Variants in DENND1A observed in about 807,000 individuals in gnomAD.
DENND1A encodes the protein DENN domain-containing protein 1A.
DENND1A carries 51 observed loss-of-function variants against 113.7 expected under a neutral mutation model. The ratio of observed to expected loss-of-function variants is 0.45; its 90% CI spans 0.36 to 0.57. The LOEUF (loss-of-function observed/expected upper bound fraction) is 0.57, where lower values mean the gene tolerates loss of function less well. Among genes scored for constraint, DENND1A ranks in the 20% least tolerant of loss-of-function variants. DENND1A has a pLI of 0.00. For missense variants in DENND1A, 1,258 were observed against 1,395.9 expected, an observed-to-expected ratio of 0.90 and a Z score of 1.57; for synonymous variants, 565 against 570.8, an observed-to-expected ratio of 0.99 and a Z score of 0.14.
intron 18 of DENND1A, among the ~76,000 whole-genome samples, chr9:123,443,118 G>T (rs992994622): frequency 4.6e-5 from 7 of 152,122 alleles, no homozygotes; most frequent in African/African-American, 1.7e-4. Flanking sequence ...GGCTCAGAAG[G>T]GGTAACTTAC....
chr9:123,666,976 A>G (rs753059184), intron 8 of DENND1A, 50 bp downstream of exon 8: 16 of 1,489,408 alleles, frequency 1.1e-5, no homozygotes, highest in African/African-American at 1.4e-5. Flanking sequence ...AAATAGGCAG[A>G]AAACAGAGAA....
intron 13 of DENND1A, among the ~76,000 whole-genome samples, chr9:123,552,417 A>G (rs976283430): frequency 5.9e-5 from 9 of 152,266 alleles, no homozygotes; most frequent in Admixed American, 5.9e-4. Context: ...ATAACTGCTC[A>G]GGGTCCAGGG....
rs1292527052 is a variant in DENND1A, at chr9:123,381,500, T to A, written c.3145A>T (p.Ser1049Cys). Reference sequence around the variant, plus strand: ...TCTGGGGCCGGGGCCAGGGCCGGACTCGGGCTCACGTCTTGCTTGGTTTTC... The same window carrying A: ...TCTGGGGCCGGGGCCAGGGCCGGACACGGGCTCACGTCTTGCTTGGTTTTC... ...LQKTKQDVSP[S>C]PALAPAPDSV... Residue 1049 changes from serine (S) to cysteine (C), a missense_variant, in exon 24 of 24, where the codon AGT (serine) becomes TGT (cysteine). Ser to Cys is a moderately radical substitution (Grantham distance 112). Transcript: ENST00000394215. The surrounding 1 kb of genome is among the most constrained non-coding windows in gnomAD (Gnocchi z 4.7). 2 of 1,613,296 alleles carry A rather than the reference T, an allele frequency of 1.2e-6. No homozygotes were observed. The highest frequency in any genetic ancestry group is 1.7e-6 in the Non-Finnish European group (2 of 1,179,802).
At chr9:123,752,853 T>C (rs1589940842) in intron 5 of DENND1A, among the ~76,000 whole-genome samples, 1 of 152,376 alleles carries the variant, frequency 6.6e-6, no homozygotes, top group Middle Eastern at 3.4e-3. Flanking sequence ...CCTGTGTTTA[T>C]GATGGAGACT....
intron 11 of DENND1A, among the ~76,000 whole-genome samples, chr9:123,607,535 AGAGAGAGAGAGAGT>A (rs2060220973): frequency 7.9e-6 from 1 of 126,130 alleles, no homozygotes; most frequent in African/African-American, 3.0e-5. Flanking sequence ...AGAGAGAGAG[AGAGAGAGAGAGAGT>A]GTGTGTGTGT....
intron 7 of DENND1A, among the ~76,000 whole-genome samples, chr9:123,669,959 A>C (rs1234696358): frequency 6.6e-6 from 1 of 152,188 alleles, no homozygotes; most frequent in Non-Finnish European, 1.5e-5. Context: ...TGAAAACTCA[A>C]GTCTTATCTC....
At chr9:123,642,010 G>A (rs1165164189) in intron 9 of DENND1A, among the ~76,000 whole-genome samples, 1 of 152,200 alleles carries the variant, frequency 6.6e-6, no homozygotes, top group Non-Finnish European at 1.5e-5. Context: ...GTTTGTTGAA[G>A]CAATGGGAGA....
intron 5 of DENND1A, among the ~76,000 whole-genome samples, chr9:123,709,594 C>T (rs1345034783): frequency 6.6e-6 from 1 of 152,188 alleles, no homozygotes; most frequent in Non-Finnish European, 1.5e-5. Context: ...CCTCCTGCAT[C>T]CTAGCTTGCT....
chr9:123,476,243 T>C (rs1165357399), intron 13 of DENND1A, among the ~76,000 whole-genome samples: 2 of 151,972 alleles, frequency 1.3e-5, no homozygotes, highest in Non-Finnish European at 1.5e-5. Flanking sequence ...TGTCTTAATA[T>C]TGAGATACAG....
intron 12 of DENND1A, among the ~76,000 whole-genome samples, chr9:123,560,788 C>T (rs2057705279): frequency 6.6e-6 from 1 of 151,948 alleles, no homozygotes; most frequent in Non-Finnish European, 1.5e-5. Flanking sequence ...GAAAACAATT[C>T]CTTTGGAAGC....
chr9:123,711,523 A>ATGTATATATG (rs1467346924), intron 5 of DENND1A, among the ~76,000 whole-genome samples: 1 of 143,460 alleles, frequency 7.0e-6, no homozygotes, highest in Non-Finnish European at 1.5e-5. Context: ...GTATATATAT[A>ATGTATATATG]TATATATATA....
intron 13 of DENND1A, among the ~76,000 whole-genome samples, chr9:123,462,622 C>A (rs991703888): frequency 6.6e-6 from 1 of 152,110 alleles, no homozygotes; most frequent in Non-Finnish European, 1.5e-5. Flanking sequence ...CATGGTGAAA[C>A]CCTGTCTCTA....
At position 123,609,833 on chromosome 9, in the gene DENND1A, G is replaced by A. The variant is rs896290755; in HGVS notation, c.720-352C>T. Among the ~76,000 whole-genome samples, 18 of 152,236 alleles carry A rather than the reference G, an allele frequency of 1.2e-4. No homozygotes were observed. In the East Asian group the frequency reaches 2.9e-3, roughly 24 times the overall value. On this transcript the variant is annotated intron_variant, in intron 10 of 23. Coordinates refer to ENST00000394215, the MANE Select transcript of DENND1A (RefSeq NM_001352964.2). ...GTTACTAGAATCAAAGAAAATATACGTTAAATGATCAGCAGAGTTCTAATA... is the reference window on the plus strand; with the variant it reads ...GTTACTAGAATCAAAGAAAATATACATTAAATGATCAGCAGAGTTCTAATA...
At chr9:123,821,481 GAA>G (rs1838462587) in intron 2 of DENND1A, among the ~76,000 whole-genome samples, 1 of 152,210 alleles carries the variant, frequency 6.6e-6, no homozygotes. Flanking sequence ...CCAGTTGTAA[GAA>G]AATGTGAAAA....
chr9:123,692,109 C>T (rs996881024), intron 5 of DENND1A, among the ~76,000 whole-genome samples: 7 of 152,192 alleles, frequency 4.6e-5, no homozygotes, highest in Non-Finnish European at 4.4e-5. Flanking sequence ...TCCAAGGCTA[C>T]TTTCCTCTGC....
intron 16 of DENND1A, 152 bp downstream of exon 16, chr9:123,454,587 C>G (rs537705825): frequency 2.5e-6 from 2 of 788,820 alleles, no homozygotes; most frequent in East Asian, 2.7e-5. Flanking sequence ...TAGTCTCCAT[C>G]TGGCATGAGA....
At chr9:123,522,003 T>TA (rs1352093597) in intron 13 of DENND1A, among the ~76,000 whole-genome samples, 1 of 152,208 alleles carries the variant, frequency 6.6e-6, no homozygotes, top group Non-Finnish European at 1.5e-5. Flanking sequence ...TCTCCCCAAT[T>TA]ACATTCAGGT....
chr9:123,843,564 CT>C (rs10706071), intron 2 of DENND1A: 46,191 of 215,778 alleles, frequency 0.21, 9,609 homozygotes, highest in African/African-American at 0.62. Flanking sequence ...TGGAGAAAGA[CT>C]ATGGCAGGTA....
intron 19 of DENND1A, among the ~76,000 whole-genome samples, chr9:123,432,158 G>C (rs969331027): frequency 1.3e-5 from 2 of 152,168 alleles, no homozygotes; most frequent in African/African-American, 4.8e-5. Flanking sequence ...CATAGCTCCC[G>C]AATGTTCAAC....
Sources: gnomAD v4.1 joint callset for allele counts (sites outside exome capture counted in the v4.1 genomes callset) on GRCh38, gnomAD v4.1.1 for gene constraint, Gnocchi (gnomAD v3.1) non-coding constraint, MANE v1.5 for transcripts, NCBI Gene and HGNC (gene_info 2026-07-23, HGNC 2026-07-21) for gene names.